The following FAT1 variants were observed in gnomAD, a reference collection of about 807,000 sequenced individuals.
FAT1 encodes FAT atypical cadherin 1.
A neutral mutation model predicts 329.8 loss-of-function variants in FAT1; 171 were observed. The ratio of observed to expected loss-of-function variants is 0.52; its 90% CI spans 0.46 to 0.59. FAT1 has a LOEUF of 0.59. FAT1 is among the 20% of genes least tolerant of loss of function. The pLI, the probability that FAT1 is intolerant of heterozygous loss-of-function variation, is 0.00. For missense variants in FAT1, 5,672 were observed against 5,774.4 expected (o/e 0.98, Z 0.57); for synonymous variants, 2,233 against 2,228.6 (o/e 1.00, Z -0.06).
At chr4:186,633,328 C>T (rs1340140461) in intron 7 of FAT1, among the ~76,000 whole-genome samples, 2 of 152,090 alleles carry the variant, frequency 1.3e-5, no homozygotes, top group Non-Finnish European at 2.9e-5. Flanking sequence ...ATCACTTTAA[C>T]CAGTTTTACT....
At chr4:186,674,416 G>A (rs961823097) in intron 2 of FAT1, among the ~76,000 whole-genome samples, 4 of 152,324 alleles carry the variant, frequency 2.6e-5, no homozygotes, top group Middle Eastern at 3.4e-3. Flanking sequence ...TGGCTCCAGA[G>A]TCCACACATA....
In FAT1 at chr4:186,663,475, T is replaced by C. The variant is rs1479462211; in HGVS notation, c.3404A>G (p.Asn1135Ser). 13 of 1,613,908 alleles carry C rather than the reference T, an allele frequency of 8.1e-6. No individual in the cohort carries two copies. Among genetic ancestry groups the C allele is most frequent in the Admixed American group, 3.3e-5 (2 of 60,014 alleles). The change falls in exon 3 of 27, where the codon AAT (asparagine) becomes AGT (serine). Residue 1135 changes from asparagine to serine, a missense_variant. Transcript: ENST00000441802. The part of the protein sequence containing the change: ...IYIEVEDVND[N>S]APQTSEPVYY... ...AACAGGCTCTGATGTCTGTGGTGCA[T>C]TGTCATTGACATCCTCAACCTCTAT...
At chr4:186,653,715 C>A (rs184344737) in intron 3 of FAT1, among the ~76,000 whole-genome samples, 13 of 152,090 alleles carry the variant, frequency 8.5e-5, no homozygotes, top group South Asian at 2.1e-4. Flanking sequence ...GAATTTATTT[C>A]GTTTATTTAC....
intron 26 of FAT1, chr4:186,590,281 G>A (rs550229746): frequency 1.8e-5 from 14 of 781,262 alleles, no homozygotes; most frequent in African/African-American, 7.2e-5. Context: ...AACACTGGGC[G>A]ACCCAGCGTA....
rs979140074 is a variant in FAT1 at position 186,587,981 on chromosome 4, T to C, written c.*611A>G. ...TCCAATAATGAAAAATGTTTATAAT[T>C]CTAAATACAGCAACCCATGTAAGAC... is the stretch of plus-strand genomic sequence containing the variant. On this transcript the variant is annotated 3_prime_UTR_variant, in exon 27 of 27. Coordinates refer to ENST00000441802, the MANE Select transcript of FAT1 (RefSeq NM_005245.4). 1 of 216,830 alleles carries C rather than the reference T, an allele frequency of 4.6e-6. No homozygotes were observed. The highest frequency in any genetic ancestry group is 5.8e-5 in the Admixed American group (1 of 17,252). The allele number at this position is 216,830 out of a possible 1,614,324, so 13.4% of individuals were successfully genotyped here.
chr4:186,721,798 G>C (rs1745479718), intron 1 of FAT1, among the ~76,000 whole-genome samples: 1 of 152,236 alleles, frequency 6.6e-6, no homozygotes, highest in Non-Finnish European at 1.5e-5. Flanking sequence ...GGTAGAGGAT[G>C]ATCAGGGGAA....
chr4:186,658,305 G>A (rs941584614), intron 3 of FAT1, among the ~76,000 whole-genome samples: 1 of 152,042 alleles, frequency 6.6e-6, no homozygotes, highest in African/African-American at 2.4e-5. Context: ...CCATAATTAA[G>A]CACAAAAACC....
chr4:186,637,044 G>A (rs537080138), intron 4 of FAT1, 130 bp from the exon 5 acceptor site: 135 of 789,962 alleles, frequency 1.7e-4, no homozygotes, highest in Middle Eastern at 1.1e-3. Flanking sequence ...AACATACACA[G>A]CAGATCTTCA....
Position 186,706,402 on chromosome 4 carries a change from C to T in FAT1, c.3265+161G>A, listed in dbSNP as rs113401051. On this transcript the variant is annotated intron_variant, in intron 2 of 26. Coordinates refer to ENST00000441802, the MANE Select transcript of FAT1 (RefSeq NM_005245.4). ...CATGGCTTACTACGAATAAACACAT[C>T]TACAATACAGCAGCCGGGCCAAAAA... Among the ~76,000 whole-genome samples the T allele has an allele frequency of 4.5e-3, 687 of 151,936 alleles. 3 individuals carry two copies. The highest frequency in any genetic ancestry group is 0.014 in the African/African-American group (579 of 41,416).
At chr4:186,651,165 TAATA>T (rs1741637647) in intron 3 of FAT1, among the ~76,000 whole-genome samples, 1 of 149,700 alleles carries the variant, frequency 6.7e-6, no homozygotes, top group South Asian at 2.1e-4. Context: ...AATTTATTAA[TAATA>T]AATTAATAAA....
chr4:186,673,796 G>T (rs1372167570), intron 2 of FAT1, among the ~76,000 whole-genome samples: 1 of 152,114 alleles, frequency 6.6e-6, no homozygotes, highest in African/African-American at 2.4e-5. Flanking sequence ...TCATTCCCAG[G>T]GTAAGCTCTG....
At chr4:186,675,142 A>G (rs561807958) in intron 2 of FAT1, among the ~76,000 whole-genome samples, 6 of 152,358 alleles carry the variant, frequency 3.9e-5, no homozygotes, top group African/African-American at 1.4e-4. Context: ...TAACTACGAG[A>G]ATATTATAAC....
At chr4:186,594,067 G>A (rs1467865482) in intron 26 of FAT1, among the ~76,000 whole-genome samples, 1 of 151,842 alleles carries the variant, frequency 6.6e-6, no homozygotes, top group African/African-American at 2.4e-5. Context: ...AAAGCACTTG[G>A]GACTATTTTT....
At chr4:186,608,353 T>G (rs553827528) in intron 16 of FAT1, among the ~76,000 whole-genome samples, 2 of 152,152 alleles carry the variant, frequency 1.3e-5, no homozygotes, top group African/African-American at 4.8e-5. Flanking sequence ...ATGTAAATGG[T>G]TGTTATACTG....
At chr4:186,721,878 C>T (rs327106) in intron 1 of FAT1, among the ~76,000 whole-genome samples, 51,835 of 151,532 alleles carry the variant, frequency 0.34, 11,552 homozygotes, top group African/African-American at 0.65. Flanking sequence ...TCTTTTTTTT[C>T]CCCAGGCTGA....
intron 2 of FAT1, among the ~76,000 whole-genome samples, chr4:186,672,623 T>G (rs1742780583): frequency 6.6e-6 from 1 of 152,198 alleles, no homozygotes; most frequent in Admixed American, 6.5e-5. Context: ...ATACATCAGC[T>G]CATTTACTCC....
intron 3 of FAT1, among the ~76,000 whole-genome samples, chr4:186,651,529 A>G (rs949988033): frequency 6.6e-6 from 1 of 152,104 alleles, no homozygotes; most frequent in Non-Finnish European, 1.5e-5. Context: ...CATGAGTATC[A>G]CGCCTGGTTC....
intron 22 of FAT1, 48 bp from the exon 23 acceptor site, chr4:186,598,173 G>A (rs2126404017): frequency 6.6e-7 from 1 of 1,508,700 alleles, no homozygotes. Context: ...CAATGACTCA[G>A]AAACCTGGTC....
intron 4 of FAT1, among the ~76,000 whole-genome samples, chr4:186,639,332 C>T (rs1165845761): frequency 6.6e-6 from 1 of 151,940 alleles, no homozygotes; most frequent in Admixed American, 6.6e-5. Flanking sequence ...CTATAAATAC[C>T]AACATAAATA....
Sources: allele counts gnomAD v4.1 joint callset (sites outside exome capture counted in the v4.1 genomes callset), GRCh38; gene constraint gnomAD v4.1.1; transcripts MANE v1.5; gene names NCBI Gene and HGNC (gene_info 2026-07-23, HGNC 2026-07-21).